Variants in CCDC171 observed in about 807,000 individuals in gnomAD.
The protein encoded by CCDC171 is coiled-coil domain containing 171.
In CCDC171, 177 loss-of-function variants were observed where a neutral mutation model predicts 168.2. The ratio of observed to expected loss-of-function variants is 1.05; its 90% CI spans 0.93 to 1.19. The LOEUF is 1.19. Among genes scored for constraint, CCDC171 ranks in the 50% most tolerant of loss-of-function variants. The pLI is 0.00. For missense variants in CCDC171, 1,991 were observed against 1,539.0 expected, an observed-to-expected ratio of 1.29 and a Z score of -4.91; for synonymous variants, 687 against 540.8, an observed-to-expected ratio of 1.27 and a Z score of -3.75.
chr9:15,622,105 G>A (rs1343368775), intron 6 of CCDC171, among the ~76,000 whole-genome samples: 1 of 152,108 alleles, frequency 6.6e-6, no homozygotes, highest in Non-Finnish European at 1.5e-5. Flanking sequence ...ACAAAGAGGG[G>A]AACAACATAC....
the CCDC171 span, among the ~76,000 whole-genome samples, chr9:16,107,528 C>A: frequency 1.3e-5 from 2 of 151,964 alleles, no homozygotes; most frequent in Non-Finnish European, 2.9e-5. Flanking sequence ...CTTTACTGTT[C>A]TCTCTCTAAA....
At chr9:15,810,790 A>T (rs962839187) in intron 21 of CCDC171, among the ~76,000 whole-genome samples, 3 of 151,880 alleles carry the variant, frequency 2.0e-5, no homozygotes, top group Non-Finnish European at 4.4e-5. Flanking sequence ...CTCTCCCTTG[A>T]CACCTCCCAC....
intron 6 of CCDC171, among the ~76,000 whole-genome samples, chr9:15,617,146 G>T (rs2044141784): frequency 6.6e-6 from 1 of 152,154 alleles, no homozygotes; most frequent in Non-Finnish European, 1.5e-5. Flanking sequence ...TGCTCCTTTA[G>T]CTCAGAGGAG....
rs1418239842 is a variant in CCDC171, at chr9:15,912,810, C to G, written c.3601-7460C>G. ...ATTGAGATAATCATGTGGTTTTTGT[C>G]ATTGGTTTTGTTTATGTGATGGATT... On this transcript the variant is annotated intron_variant, in intron 24 of 25. Transcript: ENST00000380701. Among the ~76,000 whole-genome samples, 4 of 152,004 alleles carry G rather than the reference C, an allele frequency of 2.6e-5. No homozygotes were observed. In the East Asian group the frequency reaches 7.7e-4, roughly 29 times the overall value.
intron 11 of CCDC171, among the ~76,000 whole-genome samples, chr9:15,698,317 T>A (rs1387599897): frequency 6.6e-6 from 1 of 151,926 alleles, no homozygotes; most frequent in Admixed American, 6.6e-5. Context: ...GTCAGGAGAT[T>A]GAGACCATCC....
chr9:15,674,430 G>A (rs1038934756), intron 9 of CCDC171, among the ~76,000 whole-genome samples: 5 of 151,870 alleles, frequency 3.3e-5, no homozygotes, highest in African/African-American at 9.7e-5. Context: ...TCTTGCTTCT[G>A]TAATTCTTTA....
At chr9:15,765,963 G>A (rs1157152047) in intron 18 of CCDC171, among the ~76,000 whole-genome samples, 2 of 151,902 alleles carry the variant, frequency 1.3e-5, no homozygotes, top group South Asian at 2.1e-4. Flanking sequence ...GAACAGCCTC[G>A]GAAAATAAAG....
intron 4 of CCDC171, among the ~76,000 whole-genome samples, chr9:15,586,826 G>A (rs527427964): frequency 6.6e-6 from 1 of 152,100 alleles, no homozygotes; most frequent in African/African-American, 2.4e-5. Flanking sequence ...ATTACTTTTA[G>A]AGACAGAGTA....
chr9:15,958,110 T>TCATC (rs530036006), intron 25 of CCDC171, among the ~76,000 whole-genome samples: 2,154 of 150,614 alleles, frequency 0.014, 45 homozygotes, highest in African/African-American at 0.05. Context: ...ATTAACTCAC[T>TCATC]CATCCATTCA....
At position 15,739,603 on chromosome 9, in the gene CCDC171, A is replaced by T. The variant is rs551244631; in HGVS notation, c.2050-4670A>T. On this transcript the variant is annotated intron_variant, in intron 16 of 25. Coordinates refer to ENST00000380701, the MANE Select transcript of CCDC171 (RefSeq NM_173550.4). ...GTAAAGCATTTAGAACAATGCCTGG[A>T]ATATGAATAAGCACTATAATATTCA... 2.0e-5 allele frequency among the ~76,000 whole-genome samples: 3 copies of T among 152,308 alleles called. No individual in the cohort carries two copies. In the South Asian group the frequency reaches 6.2e-4, roughly 32 times the overall value.
At chr9:16,067,840 G>A in the CCDC171 span, among the ~76,000 whole-genome samples, 32 of 152,286 alleles carry the variant, frequency 2.1e-4, no homozygotes, top group African/African-American at 6.0e-4. Flanking sequence ...TTTGGTACCA[G>A]TGCCGTGCTG....
At chr9:15,667,870 T>A (rs971465918) in intron 9 of CCDC171, among the ~76,000 whole-genome samples, 2 of 152,350 alleles carry the variant, frequency 1.3e-5, no homozygotes, top group Middle Eastern at 3.4e-3. Context: ...CCCTCTAGTA[T>A]GACTTAAATG....
chr9:15,859,986 T>G (rs1373914529), intron 23 of CCDC171, among the ~76,000 whole-genome samples: 1 of 148,026 alleles, frequency 6.8e-6, no homozygotes, highest in Non-Finnish European at 1.5e-5. Flanking sequence ...GACTTTCTAT[T>G]TTTTTTTTTT....
At chr9:15,578,539 G>A (rs892457944) in intron 3 of CCDC171, among the ~76,000 whole-genome samples, 2 of 150,784 alleles carry the variant, frequency 1.3e-5, no homozygotes, top group African/African-American at 4.9e-5. Context: ...CAAAGTGCTG[G>A]GATTACAGGA....
At chr9:15,595,583 A>G (rs942248980) in intron 6 of CCDC171, among the ~76,000 whole-genome samples, 2 of 152,114 alleles carry the variant, frequency 1.3e-5, no homozygotes, top group African/African-American at 2.4e-5. Context: ...AGTCTTTGCT[A>G]TTGTGAATAG....
At chr9:15,989,820 G>A (rs1376846531) in intron 3 of CCDC171, among the ~76,000 whole-genome samples, 1 of 152,128 alleles carries the variant, frequency 6.6e-6, no homozygotes, top group Non-Finnish European at 1.5e-5. Context: ...CTGGAGGAAA[G>A]GGTATCAGTG....
At chr9:15,697,331 C>T (rs1358678435) in intron 11 of CCDC171, among the ~76,000 whole-genome samples, 3 of 152,122 alleles carry the variant, frequency 2.0e-5, no homozygotes, top group Non-Finnish European at 4.4e-5. Context: ...TAGTTTTCTA[C>T]TCTTGCTTGC....
At chr9:16,036,472 G>A (rs1024750880) in intron 8 of CCDC171, among the ~76,000 whole-genome samples, 4 of 152,098 alleles carry the variant, frequency 2.6e-5, no homozygotes, top group Admixed American at 6.6e-5. Context: ...GTGAAACCCC[G>A]TCTCTCCTAA....
chr9:15,695,090 T>A (rs1435851530), intron 10 of CCDC171, 145 bp from the exon 11 acceptor site: 1 of 608,998 alleles, frequency 1.6e-6, no homozygotes, highest in Non-Finnish European at 2.9e-6. Flanking sequence ...GTAAAAGGTA[T>A]GATTAAGAGA....
Sources: allele counts gnomAD v4.1 joint callset (sites outside exome capture counted in the v4.1 genomes callset), GRCh38; gene constraint gnomAD v4.1.1; transcripts MANE v1.5; gene names NCBI Gene and HGNC (gene_info 2026-07-23, HGNC 2026-07-21).